ZSCAN23: variants seen among roughly 807,000 people sequenced by gnomAD.
The protein encoded by ZSCAN23 is zinc finger and SCAN domain containing 23.
ZSCAN23 carries 19 observed loss-of-function variants against 19.3 expected under a neutral mutation model. The observed-to-expected ratio is 0.99, with a 90% CI of 0.69 to 1.45. ZSCAN23 has a LOEUF of 1.45. Ranked by LOEUF, ZSCAN23 falls within the 40% of genes most tolerant of loss-of-function variation. ZSCAN23 has a pLI of 0.00. For synonymous variants in ZSCAN23, 140 were observed against 166.2 expected (o/e 0.84, Z 1.21); for missense variants, 372 against 462.5 (o/e 0.80, Z 1.79).
At chr6:28,437,094 AT>A (rs1343203118) in intron 1 of ZSCAN23, among the ~76,000 whole-genome samples, 2 of 152,238 alleles carry the variant, frequency 1.3e-5, no homozygotes, top group Non-Finnish European at 2.9e-5. Flanking sequence ...TATTTTTCTT[AT>A]GTTATTGTAT....
chr6:28,423,846 T>A, the ZSCAN23 span, among the ~76,000 whole-genome samples: 1 of 151,846 alleles, frequency 6.6e-6, no homozygotes, highest in Admixed American at 6.6e-5. Flanking sequence ...AATGGCTGTA[T>A]CAAGGCAAAA....
chr6:28,431,404 T>C (rs1272016306), downstream of ZSCAN23, among the ~76,000 whole-genome samples: 2 of 152,242 alleles, frequency 1.3e-5, no homozygotes, highest in Non-Finnish European at 2.9e-5. Context: ...CTCCTTTTCA[T>C]TTTCAAGTGT....
chr6:28,434,539 A>T lies in ZSCAN23; in HGVS notation c.1096T>A (p.Cys366Ser). The T allele has an allele frequency of 6.4e-7, 1 of 1,553,218 alleles. No homozygotes were observed. The highest frequency in any genetic ancestry group is 1.2e-5 in the South Asian group (1 of 84,098). ...TGERPYECEECGKNFIYHCNL... is the reference protein window; with the variant it reads ...TGERPYECEESGKNFIYHCNL... ...CAATGGTAAATGAAGTTCTTGCCAC[A>T]TTCTTCACATTCATAAGGTCTCTCT... The change falls in exon 4 of 4, where the codon TGT becomes AGT. Residue 366 changes from cysteine (C) to serine (S), a missense_variant. Cys to Ser is a moderately radical substitution (Grantham distance 112). Coordinates refer to ENST00000289788, the MANE Select transcript of ZSCAN23 (RefSeq NM_001012455.2).
rs768184339 is a variant in ZSCAN23, at chr6:28,435,078, T to A, written c.557A>T (p.Asp186Val). Residue 186 changes from aspartate (D) to valine (V), a missense_variant and splice_region_variant, in exon 4 of 4, where the codon GAT becomes GTT. By Grantham distance (152) the Asp-to-Val change is radical (BLOSUM62 -3). Coordinates refer to ENST00000289788, the MANE Select transcript of ZSCAN23 (RefSeq NM_001012455.2). ...CACATTCCAAGTCCCAGCCTTGCCATCTAAAATAACGATAACATGAAAGAT... is the reference window on the plus strand; with the variant it reads ...CACATTCCAAGTCCCAGCCTTGCCAACTAAAATAACGATAACATGAAAGAT... ...LREVCPVQEI[D>V]GKAGTWNVEL... 7.8e-5 allele frequency: 119 copies of A among 1,523,226 alleles called. No individual in the cohort carries two copies. The Middle Eastern group carries it at 3.4e-3, about 44-fold the overall frequency. The allele number at this position is 1,523,226 out of a possible 1,614,324, so 94.4% of individuals were successfully genotyped here.
the ZSCAN23 span, among the ~76,000 whole-genome samples, chr6:28,425,995 A>T: frequency 6.6e-6 from 1 of 152,184 alleles, no homozygotes; most frequent in Non-Finnish European, 1.5e-5. Flanking sequence ...CAGCTTCCTC[A>T]TCTCTCTCAG....
chr6:28,429,058 C>T (rs1032421165), downstream of ZSCAN23, among the ~76,000 whole-genome samples: 1 of 152,194 alleles, frequency 6.6e-6, no homozygotes, highest in African/African-American at 2.4e-5. Context: ...CCCTCCTTCA[C>T]ATACTATAAC....
the ZSCAN23 span, among the ~76,000 whole-genome samples, chr6:28,425,139 A>G: frequency 6.6e-6 from 1 of 152,184 alleles, no homozygotes; most frequent in African/African-American, 2.4e-5. Flanking sequence ...AGAGCTCTTC[A>G]GTGACTCGGT....
chr6:28,442,239 A>C (rs993640444), intron 1 of ZSCAN23, among the ~76,000 whole-genome samples: 55 of 152,286 alleles, frequency 3.6e-4, no homozygotes, highest in African/African-American at 4.3e-4. Flanking sequence ...CCTCAAGCTC[A>C]TATATGAAAT....
In ZSCAN23 at chr6:28,435,885, T is replaced by C. The variant is rs1248122840; in HGVS notation, c.382A>G (p.Arg128Gly). The change falls in exon 2 of 4, where the codon AGA becomes GGA. Residue 128 changes from arginine (R) to glycine (G), a missense_variant. Physicochemically the swap from Arg to Gly is moderately radical, Grantham distance 125. Transcript: ENST00000289788. The stretch of plus-strand genomic sequence containing the variant: ...TGCTCTCCTGGGTCATCCAGCTCTC[T>C]CTCCAAATCCTCCAGCACAGTCACT... ...EAVTVLEDLERELDDPGEQVL... is the reference protein window; with the variant it reads ...EAVTVLEDLEGELDDPGEQVL... The C allele has an allele frequency of 6.2e-7, 1 of 1,607,244 alleles. No individual in the cohort carries two copies. The highest frequency in any genetic ancestry group is 1.3e-5 in the African/African-American group (1 of 74,838).
chr6:28,431,079 G>A (rs1275376292), downstream of ZSCAN23, among the ~76,000 whole-genome samples: 1 of 151,944 alleles, frequency 6.6e-6, no homozygotes, highest in East Asian at 1.9e-4. Flanking sequence ...TGTTAACAAT[G>A]GGTTTGTCTT....
In ZSCAN23 at chr6:28,436,044, G is replaced by C; in HGVS notation, c.223C>G (p.Gln75Glu). Residue 75 changes from glutamine to glutamate, a missense_variant, in exon 2 of 4, where the codon CAG becomes GAG. Physicochemically the swap from Gln to Glu is conservative, Grantham distance 29. Coordinates refer to ENST00000289788, the MANE Select transcript of ZSCAN23 (RefSeq NM_001012455.2). ...ALQRLQELCH[Q>E]WLRPEMHTKE... is the part of the protein sequence containing the mutation. ...GTGTGCATCTCTGGTCTCAGCCACT[G>C]ATGGCAGAGCTCCTGGAGTCTTTGA... The C allele has an allele frequency of 6.2e-7, 1 of 1,614,218 alleles. No homozygotes were observed. The highest frequency in any genetic ancestry group is 1.1e-5 in the South Asian group (1 of 91,090).
intron 1 of ZSCAN23, among the ~76,000 whole-genome samples, chr6:28,442,724 T>C (rs1043564443): frequency 1.3e-5 from 2 of 152,194 alleles, no homozygotes; most frequent in African/African-American, 4.8e-5. Flanking sequence ...AAATTGCCTG[T>C]ATTTGAATCC....
intron 1 of ZSCAN23, among the ~76,000 whole-genome samples, chr6:28,437,962 G>GT (rs975396879): frequency 2.0e-4 from 31 of 151,730 alleles, no homozygotes; most frequent in Non-Finnish European, 2.9e-4. Flanking sequence ...TATGTGGTGG[G>GT]TTGTGACACA....
downstream of ZSCAN23, among the ~76,000 whole-genome samples, chr6:28,429,407 A>G (rs1416594253): frequency 6.6e-6 from 1 of 152,234 alleles, no homozygotes; most frequent in Non-Finnish European, 1.5e-5. Flanking sequence ...GGGACCATGT[A>G]AAGTATTTTT....
At chr6:28,437,347 A>G (rs1322965214) in intron 1 of ZSCAN23, among the ~76,000 whole-genome samples, 1 of 152,184 alleles carries the variant, frequency 6.6e-6, no homozygotes, top group African/African-American at 2.4e-5. Context: ...TAATAAAAAG[A>G]CAAATGTCTA....
At chr6:28,427,274 T>C (rs1761675586), downstream of ZSCAN23, among the ~76,000 whole-genome samples, 3 of 152,356 alleles carry the variant, frequency 2.0e-5, no homozygotes, top group Middle Eastern at 3.4e-3. Flanking sequence ...CCCAATCTTC[T>C]AAGAAACACT....
At chr6:28,437,489 T>C (rs1361971656) in intron 1 of ZSCAN23, among the ~76,000 whole-genome samples, 1 of 151,988 alleles carries the variant, frequency 6.6e-6, no homozygotes, top group Non-Finnish European at 1.5e-5. Context: ...AGGCTGAGGC[T>C]GGAGAATCGC....
Position 28,434,721 on chromosome 6 carries a change from T to C in ZSCAN23, c.914A>G (p.Tyr305Cys), listed in dbSNP as rs759161333. Residue 305 changes from tyrosine (Y) to cysteine (C), a missense_variant, in exon 4 of 4, where the codon TAC (tyrosine) becomes TGC (cysteine). Coordinates refer to ENST00000289788, the MANE Select transcript of ZSCAN23 (RefSeq NM_001012455.2). ...GGCTTTGCCACAAACACTGCACTGG[T>C]AGCGCTTCTCCCCAGTGTGGAGTCT... ...HQRLHTGEKR[Y>C]QCSVCGKAFS... is the part of the protein sequence containing the mutation. 6.3e-7 allele frequency: 1 copy of C among 1,597,578 alleles called. No homozygotes were observed. Among genetic ancestry groups the C allele is most frequent in the South Asian group, 1.1e-5 (1 of 88,818 alleles).
At chr6:28,438,408 T>C (rs1292428987) in intron 1 of ZSCAN23, among the ~76,000 whole-genome samples, 4 of 152,198 alleles carry the variant, frequency 2.6e-5, no homozygotes, top group Non-Finnish European at 5.9e-5. Flanking sequence ...CCCTACACTA[T>C]TCTTAAGGTG....
Sources: gnomAD v4.1 joint callset for allele counts (sites outside exome capture counted in the v4.1 genomes callset) on GRCh38, gnomAD v4.1.1 for gene constraint, MANE v1.5 for transcripts, NCBI Gene and HGNC (gene_info 2026-07-23, HGNC 2026-07-21) for gene names.